CNTN4: variants seen among roughly 807,000 people sequenced by gnomAD.
CNTN4 encodes contactin 4.
In CNTN4, 77 loss-of-function variants were observed where a neutral mutation model predicts 122.5. That is an observed-to-expected ratio of 0.63 (90% CI 0.52 to 0.76). The LOEUF is 0.76. Among genes scored for constraint, CNTN4 ranks in the 30% least tolerant of loss-of-function variants. The probability of loss-of-function intolerance (pLI) is 0.00; values close to 1 mark genes in which losing one functional copy is unlikely to be tolerated. For missense variants in CNTN4, 1,256 were observed against 1,259.1 expected, an observed-to-expected ratio of 1.00 and a Z score of 0.04; for synonymous variants, 512 against 447.0, an observed-to-expected ratio of 1.15 and a Z score of -1.83.
chr3:2,336,019 A>T (rs2043940301), intron 2 of CNTN4, among the ~76,000 whole-genome samples: 4 of 152,306 alleles, frequency 2.6e-5, no homozygotes, highest in Admixed American at 1.3e-4. Context: ...ACTTTCCCAC[A>T]GTAAAAGGTA....
chr3:2,120,674 A>T (rs908755203), intron 2 of CNTN4, among the ~76,000 whole-genome samples: 1 of 151,910 alleles, frequency 6.6e-6, no homozygotes, highest in Non-Finnish European at 1.5e-5. Flanking sequence ...AAGTGCTGGG[A>T]TTACAGGCAT....
At chr3:2,583,544 G>T (rs2080043220) in intron 4 of CNTN4, among the ~76,000 whole-genome samples, 1 of 152,166 alleles carries the variant, frequency 6.6e-6, no homozygotes, top group Non-Finnish European at 1.5e-5. Flanking sequence ...TTTAGTATTT[G>T]ATTGGCTTTG....
chr3:2,894,791 G>A (rs1371403258), intron 10 of CNTN4, among the ~76,000 whole-genome samples: 1 of 152,068 alleles, frequency 6.6e-6, no homozygotes, highest in African/African-American at 2.4e-5. Flanking sequence ...TGAGTAAATC[G>A]GGCCCAACAG....
At chr3:2,533,860 GT>G (rs1394613529) in intron 3 of CNTN4, among the ~76,000 whole-genome samples, 1 of 152,118 alleles carries the variant, frequency 6.6e-6, no homozygotes, top group East Asian at 1.9e-4. Flanking sequence ...TTGATGACCA[GT>G]GATGATGAGC....
intron 3 of CNTN4, among the ~76,000 whole-genome samples, chr3:2,524,241 G>A: frequency 6.6e-6 from 1 of 152,062 alleles, no homozygotes. Context: ...ACAATATGTG[G>A]TCTCTTGTGA....
chr3:2,351,677 T>C (rs1441204369), intron 3 of CNTN4, among the ~76,000 whole-genome samples: 1 of 152,096 alleles, frequency 6.6e-6, no homozygotes, highest in Non-Finnish European at 1.5e-5. Flanking sequence ...GAATTTCCCA[T>C]TTAATATTTT....
chr3:2,773,212 C>G (rs1164289876), intron 6 of CNTN4, among the ~76,000 whole-genome samples: 1 of 151,822 alleles, frequency 6.6e-6, no homozygotes, highest in Non-Finnish European at 1.5e-5. Flanking sequence ...GAGAAGTGCA[C>G]AGCTGAAGGG....
chr3:2,607,091 G>A (rs1278258454), intron 4 of CNTN4, among the ~76,000 whole-genome samples: 1 of 152,140 alleles, frequency 6.6e-6, no homozygotes, highest in Non-Finnish European at 1.5e-5. Flanking sequence ...TTGAGTATTT[G>A]ATGGACTTGG....
intron 6 of CNTN4, among the ~76,000 whole-genome samples, chr3:2,785,392 C>T (rs1026016658): frequency 6.6e-6 from 1 of 152,042 alleles, no homozygotes; most frequent in Non-Finnish European, 1.5e-5. Flanking sequence ...ATTCCTCTTC[C>T]TCTTTCATTC....
intron 13 of CNTN4, among the ~76,000 whole-genome samples, chr3:2,926,993 G>T (rs753224781): frequency 5.3e-5 from 8 of 152,082 alleles, no homozygotes; most frequent in Non-Finnish European, 1.0e-4. Flanking sequence ...ATTTACTTCA[G>T]TGTTTCTTAA....
rs10557917 is a variant in CNTN4, at chr3:2,326,485, TACACACACACACACAC to T, written c.-144-12665_-144-12650del. On this transcript the variant is annotated intron_variant, in intron 2 of 24. Coordinates refer to ENST00000418658, the MANE Select transcript of CNTN4 (RefSeq NM_175607.3). ...GTGAGCCAATTCCTTCTAATAAATTTACACACACACACACACACACACACACACACACACACACACA... is the reference window on the plus strand; with the variant it reads ...GTGAGCCAATTCCTTCTAATAAATTTACACACACACACACACACACACACA... Among the ~76,000 whole-genome samples, 21 of 126,098 alleles carry T rather than the reference TACACACACACACACAC, an allele frequency of 1.7e-4. No homozygotes were observed. In the South Asian group the frequency reaches 3.6e-3, roughly 21 times the overall value. The allele number at this position is 126,098 out of a possible 152,430, so 82.7% of individuals were successfully genotyped here.
chr3:2,251,487 A>G (rs1244100208), intron 2 of CNTN4, among the ~76,000 whole-genome samples: 1 of 151,946 alleles, frequency 6.6e-6, no homozygotes, highest in Non-Finnish European at 1.5e-5. Flanking sequence ...CCTTTAGGAA[A>G]TATGTCTTTG....
chr3:2,157,562 C>T (rs2035778028), intron 2 of CNTN4, among the ~76,000 whole-genome samples: 1 of 152,244 alleles, frequency 6.6e-6, no homozygotes, highest in Non-Finnish European at 1.5e-5. Context: ...TCTCACTTTA[C>T]TGTTACTATC....
intron 14 of CNTN4, among the ~76,000 whole-genome samples, chr3:3,010,602 G>T (rs1475017418): frequency 2.0e-5 from 3 of 152,044 alleles, no homozygotes; most frequent in Non-Finnish European, 4.4e-5. Flanking sequence ...TAATTGTAGT[G>T]ATTATTTTTG....
intron 3 of CNTN4, among the ~76,000 whole-genome samples, chr3:2,405,599 A>ATAGGTAGG (rs200859673): frequency 2.2e-5 from 1 of 44,776 alleles, no homozygotes. Flanking sequence ...AGATAGGTAG[A>ATAGGTAGG]TAGATAGATA....
At chr3:2,643,679 T>C (rs2082996181) in intron 4 of CNTN4, among the ~76,000 whole-genome samples, 1 of 152,148 alleles carries the variant, frequency 6.6e-6, no homozygotes, top group African/African-American at 2.4e-5. Context: ...TATTTTCAGA[T>C]AGTGATAGGA....
chr3:2,938,346 A>C (rs1412954429), intron 13 of CNTN4, among the ~76,000 whole-genome samples: 1 of 151,308 alleles, frequency 6.6e-6, no homozygotes, highest in Non-Finnish European at 1.5e-5. Context: ...TTTTTTTTTT[A>C]GTCTTTACTA....
chr3:2,139,243 C>T (rs982214521), intron 2 of CNTN4, among the ~76,000 whole-genome samples: 2 of 152,126 alleles, frequency 1.3e-5, no homozygotes, highest in African/African-American at 4.8e-5. Flanking sequence ...TAGTTTTATT[C>T]ATTAGGTAGG....
chr3:2,286,686 C>A (rs1280914133), intron 2 of CNTN4, among the ~76,000 whole-genome samples: 1 of 151,854 alleles, frequency 6.6e-6, no homozygotes, highest in African/African-American at 2.4e-5. Context: ...ATAGTGGGAG[C>A]CTGAAGTCTT....
Sources: allele counts gnomAD v4.1 joint callset (sites outside exome capture counted in the v4.1 genomes callset), GRCh38; gene constraint gnomAD v4.1.1; transcripts MANE v1.5; gene names NCBI Gene and HGNC (gene_info 2026-07-23, HGNC 2026-07-21).